ZNF608: variants seen among roughly 807,000 people sequenced by gnomAD.
The protein encoded by ZNF608 is renal carcinoma antigen NY-REN-36.
In ZNF608, 12 loss-of-function variants were observed where a neutral mutation model predicts 109.0. The ratio of observed to expected loss-of-function variants is 0.11; its 90% CI spans 0.07 to 0.18. ZNF608 has a LOEUF of 0.18. ZNF608 is among the 10% of genes least tolerant of loss of function. ZNF608 has a pLI of 1.00. For missense variants in ZNF608, 1,707 were observed against 1,879.3 expected (o/e 0.91, Z 1.70); for synonymous variants, 732 against 717.4 (o/e 1.02, Z -0.33).
At chr5:124,659,755 A>C (rs1751167525) in intron 3 of ZNF608, among the ~76,000 whole-genome samples, 1 of 152,176 alleles carries the variant, frequency 6.6e-6, no homozygotes, top group African/African-American at 2.4e-5. Flanking sequence ...CTGTATCTTA[A>C]AGTAATTTCT....
chr5:124,744,488 T>C lies in ZNF608; in HGVS notation c.502A>G (p.Asn168Asp), dbSNP rs1749560673. The C allele has an allele frequency of 1.2e-6, 2 of 1,614,096 alleles. No individual in the cohort carries two copies. The highest frequency in any genetic ancestry group is 1.7e-5 in the Admixed American group (1 of 60,010). ...GCAGAGGTGCTGGTGCTGGTACTAT[T>C]GCTGTTTGGGTTGCCGCTGCCGCCG... is the stretch of plus-strand genomic sequence containing the variant. ...SSGGSGNPNSNSTSTSTSAAT... is the reference protein window; with the variant it reads ...SSGGSGNPNSDSTSTSTSAAT... The change falls in exon 2 of 10, where the codon AAT becomes GAT. Residue 168 changes from asparagine to aspartate, a missense_variant. Physicochemically the swap from Asn to Asp is conservative, Grantham distance 23. This residue lies in a region of ZNF608 where 407 missense variants were observed against 398.7 expected (regional missense o/e 1.02). Coordinates refer to ENST00000513986, the MANE Select transcript of ZNF608 (RefSeq NM_020747.3). The surrounding 1 kb of genome is among the most constrained non-coding windows in gnomAD (Gnocchi z 4.5).
intron 8 of ZNF608, among the ~76,000 whole-genome samples, chr5:124,639,455 T>C (rs2149779292): frequency 6.6e-6 from 1 of 152,324 alleles, no homozygotes; most frequent in South Asian, 2.1e-4. Flanking sequence ...ATTCCATCTC[T>C]CCGGCTCTGC....
intron 3 of ZNF608, among the ~76,000 whole-genome samples, chr5:124,699,666 A>T (rs1752977190): frequency 6.6e-6 from 1 of 152,220 alleles, no homozygotes; most frequent in Non-Finnish European, 1.5e-5. Flanking sequence ...TATTTAATGT[A>T]ATATGTAGAA....
intron 2 of ZNF608, among the ~76,000 whole-genome samples, chr5:124,715,505 C>T (rs143127463): frequency 1.3e-5 from 2 of 152,252 alleles, no homozygotes; most frequent in African/African-American, 4.8e-5. Flanking sequence ...CAAACACCTG[C>T]AATATAGTTT....
intron 2 of ZNF608, among the ~76,000 whole-genome samples, chr5:124,712,120 C>T (rs553338273): frequency 5.9e-5 from 9 of 152,140 alleles, no homozygotes; most frequent in African/African-American, 1.9e-4. Flanking sequence ...GCACTCCAGC[C>T]CGGGCAACAA....
rs2149911640 is a variant in ZNF608 at position 124,746,321 on chromosome 5, AACACATC to A, written c.-317_-311del. On this transcript the variant is annotated 5_prime_UTR_variant, in exon 1 of 10. An upstream start codon of the reference 5' UTR is lost. Coordinates refer to ENST00000513986, the MANE Select transcript of ZNF608 (RefSeq NM_020747.3). ...ATGATCAAGAAGGAAGAAACCAAAT[AACACATC>A]TCAGCCAGAATAATCACTCGATAAC... 1.0e-6 allele frequency: 1 copy of A among 985,376 alleles called. No homozygotes were observed. The highest frequency in any genetic ancestry group is 4.7e-5 in the South Asian group (1 of 21,286). 61.0% of individuals were successfully genotyped at this position (985,376 alleles called of 1,614,324 possible).
Position 124,647,418 on chromosome 5 carries a change from A to C in ZNF608, c.2966T>G (p.Leu989Arg), listed in dbSNP as rs772470822. ...GTAATAGGGAGAATGGGACTCTTTC[A>C]GTTGAGATGATTGTGCTGTAGTTGA... ...HSSTTAQSSQ[L>R]KESHSPYYHS... The change falls in exon 5 of 10, where the codon CTG becomes CGG. Residue 989 changes from leucine to arginine, a missense_variant. By Grantham distance (102) the Leu-to-Arg change is moderately radical. Transcript: ENST00000513986. 5 of 1,614,220 alleles carry C rather than the reference A, an allele frequency of 3.1e-6. No individual in the cohort carries two copies. Among genetic ancestry groups the C allele is most frequent in the Non-Finnish European group, 4.2e-6 (5 of 1,180,036 alleles).
chr5:124,679,456 C>A (rs918804238), intron 3 of ZNF608, among the ~76,000 whole-genome samples: 2 of 150,056 alleles, frequency 1.3e-5, no homozygotes, highest in African/African-American at 4.9e-5. Context: ...TCCTTCCTTC[C>A]TTCTGTCCTT....
At chr5:124,639,825 C>G (rs941491295) in intron 8 of ZNF608, among the ~76,000 whole-genome samples, 1 of 152,126 alleles carries the variant, frequency 6.6e-6, no homozygotes, top group East Asian at 1.9e-4. Flanking sequence ...ATAGAGTAAA[C>G]AAATGCAAAC....
rs917674924 is a variant in ZNF608, at chr5:124,649,602, G to A, written c.1250+8C>T. On this transcript the variant is annotated splice_region_variant and intron_variant, in intron 4 of 9. Transcript: ENST00000513986. ...GGGAAGGAGAGAAATAAAAGGCCCT[G>A]TTCATACCTGGGAGGGGCCCAGTCG... 1.9e-6 allele frequency: 3 copies of A among 1,608,420 alleles called. No homozygotes were observed. Among genetic ancestry groups the A allele is most frequent in the Non-Finnish European group, 2.5e-6 (3 of 1,176,864 alleles).
intron 6 of ZNF608, among the ~76,000 whole-genome samples, chr5:124,643,924 G>A (rs541178738): frequency 2.2e-4 from 34 of 152,234 alleles, no homozygotes; most frequent in African/African-American, 6.5e-4. Context: ...ATACATTTAC[G>A]TGTCCGCTTA....
chr5:124,654,612 A>G (rs946595850), intron 3 of ZNF608, among the ~76,000 whole-genome samples: 1 of 152,172 alleles, frequency 6.6e-6, no homozygotes, highest in Non-Finnish European at 1.5e-5. Flanking sequence ...CGTACGAGCC[A>G]TGTTTCCCTC....
In ZNF608 at chr5:124,648,593, G is replaced by A. The variant is rs746162886; in HGVS notation, c.1791C>T (p.Asp597=). 23 of 1,614,180 alleles carry A rather than the reference G, an allele frequency of 1.4e-5. No homozygotes were observed. The highest frequency in any genetic ancestry group is 1.7e-5 in the Non-Finnish European group (20 of 1,180,044). ...FEPDSEDKIS[D]CEEGLSNVAL... is the part of the protein sequence containing the mutation. The stretch of plus-strand genomic sequence containing the variant: ...CCACATTACTCAATCCTTCCTCACA[G>A]TCCGAGATCTTGTCCTCACTGTCAG... The change falls in exon 5 of 10, where the codon GAC becomes GAT. Residue 597 remains aspartate (D), a synonymous_variant. Transcript: ENST00000513986.
chr5:124,746,313 A>C lies in ZNF608; in HGVS notation c.-302T>G. The stretch of plus-strand genomic sequence containing the variant: ...AACACCAAATGATCAAGAAGGAAGA[A>C]ACCAAATAACACATCTCAGCCAGAA... On this transcript the variant is annotated 5_prime_UTR_variant, in exon 1 of 10. Transcript: ENST00000513986. The C allele has an allele frequency of 2.0e-6, 2 of 985,434 alleles. No individual in the cohort carries two copies. Among genetic ancestry groups the C allele is most frequent in the Non-Finnish European group, 2.4e-6 (2 of 829,932 alleles). 61.0% of individuals were successfully genotyped at this position (985,434 alleles called of 1,614,324 possible).
Position 124,649,071 on chromosome 5 carries a change from G to A in ZNF608, c.1313C>T (p.Ala438Val), listed in dbSNP as rs1353990764. Residue 438 changes from alanine to valine, a missense_variant, in exon 5 of 10, where the codon GCG (alanine) becomes GTG (valine). Transcript: ENST00000513986. ...MRGGRGRGKR[A>V]RSAAAAPGSE... ...GCCCGGGGCAGCAGCAGCAGACCTC[G>A]CTCTCTTCCCTCTGCCCCGGCCCCC... 2 of 1,613,014 alleles carry A rather than the reference G, an allele frequency of 1.2e-6. No individual in the cohort carries two copies. Among genetic ancestry groups the A allele is most frequent in the East Asian group, 2.2e-5 (1 of 44,872 alleles).
intron 2 of ZNF608, chr5:124,710,484 T>G (rs1706180995): frequency 3.6e-6 from 1 of 277,510 alleles, no homozygotes; most frequent in Non-Finnish European, 7.1e-6. Flanking sequence ...CTGAGATCCA[T>G]GTAAAGGGAA....
intron 3 of ZNF608, among the ~76,000 whole-genome samples, chr5:124,679,433 C>CTCCT (rs536991634): frequency 0.011 from 1,675 of 150,410 alleles, 13 homozygotes; most frequent in Middle Eastern, 0.045. Context: ...CCCTCCCTCC[C>CTCCT]TCCTTCCTTC....
chr5:124,725,057 T>A (rs77737359), intron 2 of ZNF608, among the ~76,000 whole-genome samples: 4,918 of 151,982 alleles, frequency 0.032, 208 homozygotes, highest in African/African-American at 0.1. Context: ...CACTCTGGTG[T>A]CTCCTCAAAC....
chr5:124,710,807 T>G (rs1040826092), intron 2 of ZNF608: 8 of 152,872 alleles, frequency 5.2e-5, no homozygotes, highest in African/African-American at 1.7e-4. Flanking sequence ...AGAGATGGAA[T>G]GGTTAGAGAG....
Sources: gnomAD v4.1 joint callset for allele counts (sites outside exome capture counted in the v4.1 genomes callset) on GRCh38, gnomAD v4.1.1 for gene constraint, gnomAD v4.1.1 regional missense constraint, Gnocchi (gnomAD v3.1) non-coding constraint, MANE v1.5 for transcripts, NCBI Gene and HGNC (gene_info 2026-07-23, HGNC 2026-07-21) for gene names.